The following NAALADL2 variants were observed in gnomAD, a reference collection of about 807,000 sequenced individuals.
The protein encoded by NAALADL2 is N-acetylated alpha-linked acidic dipeptidase like 2, also known as inactive N-acetylated-alpha-linked acidic dipeptidase-like protein 2.
A neutral mutation model predicts 87.2 loss-of-function variants in NAALADL2; 76 were observed. The ratio of observed to expected loss-of-function variants is 0.87; its 90% confidence interval spans 0.72 to 1.05. NAALADL2 has a LOEUF of 1.05. Among genes scored for constraint, NAALADL2 ranks in the 50% least tolerant of loss-of-function variants. The pLI is 0.00. For synonymous variants in NAALADL2, 354 were observed against 331.0 expected, an observed-to-expected ratio of 1.07 and a Z score of -0.75; for missense variants, 1,089 against 945.8, an observed-to-expected ratio of 1.15 and a Z score of -1.99.
intron 13 of NAALADL2, among the ~76,000 whole-genome samples, chr3:175,774,475 C>A (rs1408044771): frequency 6.6e-6 from 1 of 151,912 alleles, no homozygotes; most frequent in African/African-American, 2.4e-5. Context: ...ATTCCTACTA[C>A]TCCCTTATGA....
At chr3:175,117,169 A>C (rs1725378022) in intron 2 of NAALADL2, among the ~76,000 whole-genome samples, 1 of 152,070 alleles carries the variant, frequency 6.6e-6, no homozygotes, top group Non-Finnish European at 1.5e-5. Context: ...CTAGAATAAA[A>C]CCTAGGCAAC....
intron 13 of NAALADL2, among the ~76,000 whole-genome samples, chr3:175,790,283 G>C (rs1198807027): frequency 1.3e-5 from 2 of 152,082 alleles, no homozygotes; most frequent in African/African-American, 4.8e-5. Context: ...TGGGGCCCCA[G>C]ATCCATTGTT....
chr3:174,557,674 C>A (rs1245233723), intron 2 of NAALADL2, among the ~76,000 whole-genome samples: 1 of 151,112 alleles, frequency 6.6e-6, no homozygotes, highest in African/African-American at 2.4e-5. Context: ...AGGTAGTCGT[C>A]TGGAGGAGTC....
intron 5 of NAALADL2, among the ~76,000 whole-genome samples, chr3:175,356,778 A>C: frequency 6.6e-6 from 1 of 152,024 alleles, no homozygotes; most frequent in East Asian, 1.9e-4. Flanking sequence ...TTGAAGCCAC[A>C]ATGGAAAAAG....
At chr3:174,885,144 C>CA (rs1729926340) in intron 1 of NAALADL2, among the ~76,000 whole-genome samples, 1 of 152,102 alleles carries the variant, frequency 6.6e-6, no homozygotes, top group East Asian at 1.9e-4. Context: ...ACACATATCC[C>CA]AATTGCAAGT....
intron 1 of NAALADL2, among the ~76,000 whole-genome samples, chr3:175,029,741 C>G (rs1474548624): frequency 6.6e-6 from 1 of 151,938 alleles, no homozygotes; most frequent in African/African-American, 2.4e-5. Context: ...ACACACTAAA[C>G]CCCTCTGAGG....
intron 4 of NAALADL2, among the ~76,000 whole-genome samples, chr3:175,288,295 T>C (rs918248686): frequency 3.3e-5 from 5 of 152,252 alleles, no homozygotes; most frequent in African/African-American, 1.2e-4. Flanking sequence ...AGGCCTTCAA[T>C]TGATTGGAAA....
intron 5 of NAALADL2, among the ~76,000 whole-genome samples, chr3:175,358,095 A>G (rs950526599): frequency 6.6e-6 from 1 of 152,146 alleles, no homozygotes; most frequent in African/African-American, 2.4e-5. Context: ...AAGTGACATA[A>G]ATTTTTAAAT....
Position 175,634,850 on chromosome 3 carries a change from T to C in NAALADL2, c.1896+7464T>C, listed in dbSNP as rs540984607. Reference sequence around the variant, plus strand: ...TTCAATTTTTTTCCGCTATATCAAATTATTGTTACTAGATGCAAGACGTCT... The same window carrying C: ...TTCAATTTTTTTCCGCTATATCAAACTATTGTTACTAGATGCAAGACGTCT... On this transcript the variant is annotated intron_variant, in intron 11 of 13. Coordinates refer to ENST00000454872, the MANE Select transcript of NAALADL2 (RefSeq NM_207015.3). 1.3e-4 allele frequency among the ~76,000 whole-genome samples: 20 copies of C among 152,164 alleles called. No homozygotes were observed. The South Asian group carries it at 4.1e-3, about 32-fold the overall frequency.
chr3:175,589,918 T>C (rs1721134446), intron 10 of NAALADL2, among the ~76,000 whole-genome samples: 1 of 152,044 alleles, frequency 6.6e-6, no homozygotes, highest in African/African-American at 2.4e-5. Context: ...AAAATATATA[T>C]TTACCAATTC....
Position 175,665,785 on chromosome 3 carries a change from G to A in NAALADL2, c.1896+38399G>A, listed in dbSNP as rs544102837. On this transcript the variant is annotated intron_variant, in intron 11 of 13. Coordinates refer to ENST00000454872, the MANE Select transcript of NAALADL2 (RefSeq NM_207015.3). ...TTCTCTGCTAAAAATACAAAAATTAGCTGGACGTGGTGGTGCATGCCTGTA... is the reference window on the plus strand; with the variant it reads ...TTCTCTGCTAAAAATACAAAAATTAACTGGACGTGGTGGTGCATGCCTGTA... 3.9e-5 allele frequency among the ~76,000 whole-genome samples: 6 copies of A among 152,102 alleles called. No individual in the cohort carries two copies. In the South Asian group the frequency reaches 1.0e-3, roughly 26 times the overall value.
chr3:175,540,439 AT>A (rs1422703913), intron 9 of NAALADL2, among the ~76,000 whole-genome samples: 1 of 152,122 alleles, frequency 6.6e-6, no homozygotes, highest in Non-Finnish European at 1.5e-5. Flanking sequence ...CAGGGGACAG[AT>A]TTTGTAGGAC....
At chr3:175,578,363 G>C (rs980155820) in intron 10 of NAALADL2, among the ~76,000 whole-genome samples, 1 of 152,028 alleles carries the variant, frequency 6.6e-6, no homozygotes, top group African/African-American at 2.4e-5. Context: ...AGCCCTGGAG[G>C]GGGAGGTTGC....
chr3:174,473,014 A>G (rs1246177777), intron 1 of NAALADL2, among the ~76,000 whole-genome samples: 2 of 152,180 alleles, frequency 1.3e-5, no homozygotes, highest in East Asian at 3.9e-4. Flanking sequence ...GCATTTGTTG[A>G]TGTGGTATAG....
intron 2 of NAALADL2, among the ~76,000 whole-genome samples, chr3:175,139,080 G>A (rs1435830939): frequency 6.6e-6 from 1 of 151,228 alleles, no homozygotes; most frequent in Middle Eastern, 3.2e-3. Flanking sequence ...TTAAACACAA[G>A]TAGAACTCTT....
At position 175,806,196 on chromosome 3, in the gene NAALADL2, GACAA is replaced by G. The variant is rs369234354; in HGVS notation, c.*2999_*3002del. The G allele has an allele frequency of 3.9e-3, 593 of 151,958 alleles. 5 individuals carry two copies. Among genetic ancestry groups the G allele is most frequent in the African/African-American group, 0.013 (560 of 41,506 alleles). 9.4% of individuals were successfully genotyped at this position (151,958 alleles called of 1,614,324 possible). A position where few individuals can be genotyped will look rare whatever the true frequency, so the allele number is the denominator to read the frequency against. The stretch of plus-strand genomic sequence containing the variant: ...GCTAGTTCATTCTCTGACTGTACCT[GACAA>G]ACAAAACTCTCCCCGAGAATTCAGG... On this transcript the variant is annotated 3_prime_UTR_variant, in exon 14 of 14. Transcript: ENST00000454872.
intron 1 of NAALADL2, among the ~76,000 whole-genome samples, chr3:174,516,442 G>C (rs1053748075): frequency 2.0e-5 from 3 of 151,912 alleles, no homozygotes; most frequent in African/African-American, 7.2e-5. Flanking sequence ...CCTTCTATTT[G>C]TAGACGTTCC....
intron 3 of NAALADL2, among the ~76,000 whole-genome samples, chr3:174,846,262 G>A (rs1724604585): frequency 1.3e-5 from 2 of 152,190 alleles, no homozygotes; most frequent in Non-Finnish European, 2.9e-5. Context: ...GGTATACTAG[G>A]TTTCTGTGGT....
intron 1 of NAALADL2, among the ~76,000 whole-genome samples, chr3:174,973,142 G>A (rs879531293): frequency 1.3e-5 from 2 of 152,082 alleles, no homozygotes; most frequent in Non-Finnish European, 2.9e-5. Context: ...TCATTATAAA[G>A]GTATAAGTAT....
Sources: allele counts gnomAD v4.1 joint callset (sites outside exome capture counted in the v4.1 genomes callset), GRCh38; gene constraint gnomAD v4.1.1; transcripts MANE v1.5; gene names NCBI Gene and HGNC (gene_info 2026-07-23, HGNC 2026-07-21).